The following REPS1 variants were observed in gnomAD, a reference collection of about 807,000 sequenced individuals.
REPS1 encodes the protein RALBP1 associated Eps domain containing 1.
A neutral mutation model predicts 100.9 loss-of-function variants in REPS1; 39 were observed. The observed-to-expected ratio is 0.39, with a 90% CI of 0.30 to 0.50. REPS1 has a LOEUF of 0.50. Among genes scored for constraint, REPS1 ranks in the 20% least tolerant of loss-of-function variants. REPS1 has a pLI of 0.86. For missense variants in REPS1, 821 were observed against 968.5 expected (o/e 0.85, Z 2.02); for synonymous variants, 324 against 340.3 (o/e 0.95, Z 0.53).
chr6:138,911,629 A>G (rs1780012319), intron 16 of REPS1, among the ~76,000 whole-genome samples: 1 of 151,144 alleles, frequency 6.6e-6, no homozygotes, highest in Non-Finnish European at 1.5e-5. Flanking sequence ...GAGGGAGAGG[A>G]GGACAGAGCG....
At position 138,944,003 on chromosome 6, in the gene REPS1, C is replaced by T. The variant is rs1782440112; in HGVS notation, c.766G>A (p.Val256Ile). 1.2e-6 allele frequency: 2 copies of T among 1,613,874 alleles called. No homozygotes were observed. The highest frequency in any genetic ancestry group is 1.1e-5 in the South Asian group (1 of 91,082). The change falls in exon 6 of 20, where the codon GTA becomes ATA. Residue 256 changes from valine (V) to isoleucine (I), a missense_variant. Coordinates refer to ENST00000450536, the MANE Select transcript of REPS1 (RefSeq NM_001286611.2). ...GTTGTAGCTGATGCTACAGTTCGTA[C>T]TGTTGTCTGGTCCTGTAATGAAACA... ...HPASVQDQTT[V>I]RTVASATTAI...
chr6:138,977,800 G>A (rs942518149), intron 1 of REPS1, among the ~76,000 whole-genome samples: 1 of 152,160 alleles, frequency 6.6e-6, no homozygotes, highest in Non-Finnish European at 1.5e-5. Flanking sequence ...GCAAATTTAT[G>A]CTTAACTTTT....
At chr6:138,940,613 T>C (rs1356989221) in intron 8 of REPS1, among the ~76,000 whole-genome samples, 1 of 151,688 alleles carries the variant, frequency 6.6e-6, no homozygotes, top group Non-Finnish European at 1.5e-5. Flanking sequence ...GGCATGGTGG[T>C]GCGTGCCTGT....
At chr6:138,928,419 C>T (rs1418377691) in intron 9 of REPS1, 3 of 152,214 alleles carry the variant, frequency 2.0e-5, no homozygotes, top group Non-Finnish European at 4.4e-5. Flanking sequence ...ATTCCATATC[C>T]TAACTAGATA....
intron 1 of REPS1, among the ~76,000 whole-genome samples, chr6:138,982,688 T>C (rs1442024702): frequency 6.6e-6 from 1 of 152,248 alleles, no homozygotes; most frequent in African/African-American, 2.4e-5. Flanking sequence ...CTTGCTATTA[T>C]GTGGCATGGA....
chr6:138,943,616 C>A, intron 6 of REPS1, 40 bp from the exon 7 acceptor site: 1 of 1,412,508 alleles, frequency 7.1e-7, no homozygotes, highest in Non-Finnish European at 9.9e-7. Flanking sequence ...TTATTCTGAA[C>A]TTACGGATCC....
At chr6:138,932,721 T>G (rs571700276) in intron 8 of REPS1, among the ~76,000 whole-genome samples, 13 of 152,346 alleles carry the variant, frequency 8.5e-5, no homozygotes, top group Admixed American at 2.0e-4. Context: ...CCATTTTTCC[T>G]GAAAGAACAG....
At chr6:138,948,716 C>T (rs932444421) in intron 1 of REPS1, among the ~76,000 whole-genome samples, 7 of 152,128 alleles carry the variant, frequency 4.6e-5, no homozygotes, top group Non-Finnish European at 8.8e-5. Flanking sequence ...TGTATCTTTT[C>T]AAATAACACA....
intron 1 of REPS1, among the ~76,000 whole-genome samples, chr6:138,951,863 T>C (rs1438391559): frequency 6.6e-6 from 1 of 152,238 alleles, no homozygotes; most frequent in African/African-American, 2.4e-5. Context: ...CCTCATTCTT[T>C]TAATCTCCTT....
intron 1 of REPS1, among the ~76,000 whole-genome samples, chr6:138,957,967 A>G (rs572586719): frequency 1.3e-5 from 2 of 152,350 alleles, no homozygotes; most frequent in South Asian, 2.1e-4. Context: ...TGAAAGTACC[A>G]CTAAGAAACC....
Position 138,912,216 on chromosome 6 carries a change from T to A in REPS1, c.1971+549A>T, listed in dbSNP as rs142793924. On this transcript the variant is annotated intron_variant, in intron 16 of 19. Coordinates refer to ENST00000450536, the MANE Select transcript of REPS1 (RefSeq NM_001286611.2). The stretch of plus-strand genomic sequence containing the variant: ...GAGATTCCTAGAGAGGTTCTTGCCA[T>A]TGGAACTACAATAGAATATCCTAGA... Among the ~76,000 whole-genome samples the A allele has an allele frequency of 2.9e-3, 447 of 152,350 alleles. 1 individual carries two copies. Among genetic ancestry groups the A allele is most frequent in the African/African-American group, 0.01 (424 of 41,580 alleles).
chr6:138,921,219 C>T, intron 10 of REPS1, 95 bp from the exon 11 acceptor site: 2 of 751,394 alleles, frequency 2.7e-6, no homozygotes, highest in East Asian at 2.7e-5. Context: ...AACCAGTGGA[C>T]AGGCTTTCCC....
intron 1 of REPS1, among the ~76,000 whole-genome samples, chr6:138,983,845 A>C (rs921428115): frequency 1.3e-5 from 2 of 152,110 alleles, no homozygotes; most frequent in East Asian, 3.9e-4. Flanking sequence ...GGGGTGGACA[A>C]ATCTCCACCC....
At chr6:138,940,850 T>C (rs1168409827) in intron 8 of REPS1, among the ~76,000 whole-genome samples, 1 of 152,000 alleles carries the variant, frequency 6.6e-6, no homozygotes, top group Non-Finnish European at 1.5e-5. Flanking sequence ...TTCTCTAAAA[T>C]CATACACAGA....
intron 8 of REPS1, chr6:138,934,206 G>C: frequency 2.6e-6 from 1 of 386,262 alleles, no homozygotes; most frequent in South Asian, 1.9e-5. Flanking sequence ...CGGAGGCAGG[G>C]GTGTAGTTTT....
chr6:138,916,210 CT>C (rs1229366582), intron 13 of REPS1: 23 of 223,742 alleles, frequency 1.0e-4, no homozygotes, highest in Non-Finnish European at 1.6e-4. Flanking sequence ...AGCAAAATTT[CT>C]TTTTTTCTTT....
intron 8 of REPS1, among the ~76,000 whole-genome samples, chr6:138,935,477 AT>A (rs756361855): frequency 1.3e-5 from 2 of 152,324 alleles, no homozygotes; most frequent in Non-Finnish European, 2.9e-5. Context: ...AAATACTAAA[AT>A]TCCATAAAGA....
intron 17 of REPS1, among the ~76,000 whole-genome samples, chr6:138,910,543 G>A (rs1482862010): frequency 1.3e-5 from 2 of 152,034 alleles, no homozygotes; most frequent in Non-Finnish European, 2.9e-5. Flanking sequence ...TTGTAGAGAC[G>A]GGGTTTCGCC....
intron 9 of REPS1, chr6:138,928,261 C>G (rs1415797129): frequency 1.3e-5 from 2 of 152,068 alleles, no homozygotes; most frequent in Non-Finnish European, 1.5e-5. Context: ...GTTTTTTAAA[C>G]AGAACTGACA....
Sources: allele counts gnomAD v4.1 joint callset (sites outside exome capture counted in the v4.1 genomes callset), GRCh38; gene constraint gnomAD v4.1.1; transcripts MANE v1.5; gene names NCBI Gene and HGNC (gene_info 2026-07-23, HGNC 2026-07-21).